The following TTBK2 variants were observed in gnomAD, a reference collection of about 807,000 sequenced individuals.
TTBK2 encodes the protein tau tubulin kinase 2.
Under a neutral mutation model 110.8 loss-of-function variants are expected in TTBK2, and 28 were observed. That is an observed-to-expected ratio of 0.25 (90% CI 0.19 to 0.35). TTBK2 has a LOEUF of 0.35. Ranked by LOEUF, TTBK2 falls within the 10% of genes least tolerant of loss-of-function variation. The pLI is 1.00. For synonymous variants in TTBK2, 532 were observed against 527.3 expected (o/e 1.01, Z -0.12); for missense variants, 1,369 against 1,500.3 (o/e 0.91, Z 1.45).
At chr15:42,852,109 AC>A (rs1156316791) in intron 3 of TTBK2, among the ~76,000 whole-genome samples, 1 of 150,784 alleles carries the variant, frequency 6.6e-6, no homozygotes, top group Non-Finnish European at 1.5e-5. Context: ...TTACTCTGTC[AC>A]CCAGGCGGGA....
intron 11 of TTBK2, among the ~76,000 whole-genome samples, chr15:42,779,402 C>T (rs1339401824): frequency 7.3e-6 from 1 of 136,220 alleles, no homozygotes; most frequent in African/African-American, 3.0e-5. Flanking sequence ...AAGCAAAACC[C>T]TGTCACAAAA....
chr15:42,768,441 A>C (rs1180509837), intron 13 of TTBK2, among the ~76,000 whole-genome samples: 4 of 152,242 alleles, frequency 2.6e-5, no homozygotes, highest in Non-Finnish European at 5.9e-5. Flanking sequence ...CAATGTGCAA[A>C]AATCACAAGC....
intron 11 of TTBK2, among the ~76,000 whole-genome samples, chr15:42,777,892 T>C (rs886382382): frequency 6.6e-5 from 10 of 152,062 alleles, no homozygotes; most frequent in African/African-American, 2.4e-4. Context: ...AGAGGATGCC[T>C]AACTGGCTCA....
intron 3 of TTBK2, among the ~76,000 whole-genome samples, chr15:42,843,445 T>A (rs921539254): frequency 6.6e-6 from 1 of 152,010 alleles, no homozygotes; most frequent in African/African-American, 2.4e-5. Flanking sequence ...TACTCAGGAG[T>A]CACTAGCTGG....
intron 1 of TTBK2, among the ~76,000 whole-genome samples, chr15:42,892,032 A>G (rs1237272028): frequency 6.6e-6 from 1 of 152,226 alleles, no homozygotes; most frequent in African/African-American, 2.4e-5. Flanking sequence ...ACAAAAGTGG[A>G]ATACACATTC....
intron 1 of TTBK2, among the ~76,000 whole-genome samples, chr15:42,905,756 T>C (rs2141200134): frequency 6.6e-6 from 1 of 152,278 alleles, no homozygotes; most frequent in South Asian, 2.1e-4. Context: ...ATTCTGGCTA[T>C]TGGGCCCATT....
chr15:42,750,879 C>T (rs781565557), intron 14 of TTBK2, among the ~76,000 whole-genome samples: 2 of 152,140 alleles, frequency 1.3e-5, no homozygotes, highest in Non-Finnish European at 2.9e-5. Flanking sequence ...TATCAGAACA[C>T]TTCTCATCAG....
intron 10 of TTBK2, among the ~76,000 whole-genome samples, chr15:42,791,164 G>A (rs555226369): frequency 5.5e-4 from 84 of 152,162 alleles, no homozygotes; most frequent in African/African-American, 1.1e-3. Flanking sequence ...GATTACAGGC[G>A]TGAGCCACGG....
chr15:42,800,300 T>C (rs986962258), intron 9 of TTBK2: 5 of 440,120 alleles, frequency 1.1e-5, no homozygotes, highest in Middle Eastern at 3.3e-4. Context: ...CCTACATAGA[T>C]GCTTGGTGCA....
chr15:42,801,803 A>G (rs775932179), intron 9 of TTBK2: 1 of 831,366 alleles, frequency 1.2e-6, no homozygotes, highest in Admixed American at 1.7e-5. Context: ...TTGTTCATGT[A>G]AGCTTCATCT....
intron 3 of TTBK2, among the ~76,000 whole-genome samples, chr15:42,857,018 G>A (rs1014302909): frequency 3.3e-5 from 5 of 150,796 alleles, no homozygotes; most frequent in South Asian, 2.1e-4. Flanking sequence ...CTGAGATCAC[G>A]CCACTGCACT....
intron 13 of TTBK2, among the ~76,000 whole-genome samples, chr15:42,764,313 C>T (rs1268606728): frequency 6.6e-6 from 1 of 152,206 alleles, no homozygotes; most frequent in African/African-American, 2.4e-5. Context: ...ATCGCCTCAC[C>T]CGGGAAGCAT....
At chr15:42,767,469 G>A (rs561165972) in intron 13 of TTBK2, among the ~76,000 whole-genome samples, 1 of 152,284 alleles carries the variant, frequency 6.6e-6, no homozygotes, top group South Asian at 2.1e-4. Context: ...TACCATCAGA[G>A]AATATTATAA....
intron 13 of TTBK2, among the ~76,000 whole-genome samples, chr15:42,767,193 A>T (rs1458300743): frequency 6.6e-6 from 1 of 152,230 alleles, no homozygotes; most frequent in Non-Finnish European, 1.5e-5. Context: ...AAAGATCTAA[A>T]ATTGACACCC....
chr15:42,846,037 T>C (rs1159462355), intron 3 of TTBK2, among the ~76,000 whole-genome samples: 1 of 152,092 alleles, frequency 6.6e-6, no homozygotes, highest in Non-Finnish European at 1.5e-5. Context: ...TGCATGACTA[T>C]ATATAATCTC....
intron 10 of TTBK2, among the ~76,000 whole-genome samples, chr15:42,789,169 C>T (rs1178543696): frequency 1.3e-5 from 2 of 152,162 alleles, no homozygotes; most frequent in Admixed American, 1.3e-4. Flanking sequence ...CACATATCTG[C>T]TATTTTATAT....
intron 11 of TTBK2, among the ~76,000 whole-genome samples, chr15:42,781,519 A>C (rs1567020167): frequency 6.6e-6 from 1 of 152,140 alleles, no homozygotes; most frequent in Non-Finnish European, 1.5e-5. Context: ...TTAGTGCTAT[A>C]CATTTCTCTC....
chr15:42,827,852 G>A, intron 6 of TTBK2, 76 bp downstream of exon 6: 3 of 1,143,154 alleles, frequency 2.6e-6, no homozygotes, highest in Non-Finnish European at 3.9e-6. Context: ...TAAATAATTA[G>A]CATTGTTTAA....
intron 13 of TTBK2, among the ~76,000 whole-genome samples, chr15:42,774,160 G>T (rs143399835): frequency 6.6e-6 from 1 of 152,182 alleles, no homozygotes; most frequent in Non-Finnish European, 1.5e-5. Flanking sequence ...TTTTGCACTT[G>T]ATGTGGAATT....
Sources: allele counts gnomAD v4.1 joint callset (sites outside exome capture counted in the v4.1 genomes callset), GRCh38; gene constraint gnomAD v4.1.1; transcripts MANE v1.5; gene names NCBI Gene and HGNC (gene_info 2026-07-23, HGNC 2026-07-21).